Variants in NMBR observed in about 807,000 individuals in gnomAD.
The protein encoded by NMBR is neuromedin B receptor, also known as neuromedin-B receptor.
A neutral mutation model predicts 20.5 loss-of-function variants in NMBR; 16 were observed. The observed-to-expected ratio is 0.78, with a 90% confidence interval of 0.53 to 1.19. The LOEUF (loss-of-function observed/expected upper bound fraction) is 1.19. Among genes scored for constraint, NMBR ranks in the 50% most tolerant of loss-of-function variants. The pLI, the probability that NMBR is intolerant of heterozygous loss-of-function variation, is 0.00. For missense variants in NMBR, 582 were observed against 499.1 expected (o/e 1.17, Z -1.58); for synonymous variants, 212 against 196.6 (o/e 1.08, Z -0.65).
chr6:142,090,197 TA>T (rs927172521), intron 1 of NMBR, among the ~76,000 whole-genome samples: 1 of 152,126 alleles, frequency 6.6e-6, no homozygotes, highest in African/African-American at 2.4e-5. Context: ...TGGAGTTAGC[TA>T]AATAACACTC....
At position 142,140,823 on chromosome 6, in the gene NMBR, AATG is replaced by A. The variant is rs1481823067; in HGVS notation, c.-664+6218_-664+6220del. The stretch of plus-strand genomic sequence containing the variant: ...AACTCAAGTCAATTTTACAGCAAGG[AATG>A]ATGACAGAGATTAAAGAGACATTTC... On this transcript the variant is annotated intron_variant, in intron 1 of 3. Transcript: ENST00000258042. Among the ~76,000 whole-genome samples the A allele has an allele frequency of 2.0e-5, 3 of 152,310 alleles. No homozygotes were observed. The East Asian group carries it at 5.8e-4, about 29-fold the overall frequency.
At position 142,075,493 on chromosome 6, in the gene NMBR, A is replaced by C; in HGVS notation, c.*155T>G. On this transcript the variant is annotated 3_prime_UTR_variant, in exon 4 of 4. Transcript: ENST00000258042. ...TTATTAGGAAATGAAAAGAGAAAAA[A>C]TAAAGTCTAGTGTAGAGAAAAAATG... The C allele has an allele frequency of 3.3e-6, 2 of 605,102 alleles. No individual in the cohort carries two copies. Among genetic ancestry groups the C allele is most frequent in the Admixed American group, 3.5e-5 (1 of 28,414 alleles). The allele number at this position is 605,102 out of a possible 1,614,324, so 37.5% of individuals were successfully genotyped here. A position where few individuals can be genotyped will look rare whatever the true frequency, so the allele number is the denominator to read the frequency against.
intron 1 of NMBR, among the ~76,000 whole-genome samples, chr6:142,101,752 G>A (rs142163595): frequency 4.6e-5 from 7 of 152,176 alleles, no homozygotes; most frequent in Admixed American, 2.0e-4. Context: ...ATTTGGTCAC[G>A]TTCTCACTTA....
At chr6:142,097,840 A>ATAT (rs1777486734) in intron 1 of NMBR, among the ~76,000 whole-genome samples, 2 of 152,128 alleles carry the variant, frequency 1.3e-5, no homozygotes, top group South Asian at 4.1e-4. Flanking sequence ...TTGCATATTA[A>ATAT]GGAGAGACAT....
chr6:142,128,402 T>A (rs1200338863), intron 1 of NMBR, among the ~76,000 whole-genome samples: 5 of 152,092 alleles, frequency 3.3e-5, no homozygotes, highest in African/African-American at 4.8e-5. Flanking sequence ...TCTAGTACTA[T>A]GTTGAATATA....
intron 1 of NMBR, among the ~76,000 whole-genome samples, chr6:142,136,492 T>G (rs1471006793): frequency 6.6e-6 from 1 of 152,304 alleles, no homozygotes; most frequent in Non-Finnish European, 1.5e-5. Context: ...AGAAGCTCTT[T>G]AGTTTAATTA....
intron 2 of NMBR, among the ~76,000 whole-genome samples, chr6:142,084,046 G>A (rs148919289): frequency 5.9e-5 from 9 of 152,252 alleles, no homozygotes; most frequent in Non-Finnish European, 1.0e-4. Flanking sequence ...TCTCCAGTCA[G>A]GGGCAGCTGG....
Position 142,075,487 on chromosome 6 carries a change from G to GA in NMBR, c.*160dup. The GA allele has an allele frequency of 1.7e-6, 1 of 586,312 alleles. No individual in the cohort carries two copies. Among genetic ancestry groups the GA allele is most frequent in the South Asian group, 2.7e-5 (1 of 37,286 alleles). 36.3% of individuals were successfully genotyped at this position (586,312 alleles called of 1,614,324 possible). ...TTCTAATTATTAGGAAATGAAAAGA[G>GA]AAAAAATAAAGTCTAGTGTAGAGAA... On this transcript the variant is annotated 3_prime_UTR_variant, in exon 4 of 4. Coordinates refer to ENST00000258042, the MANE Select transcript of NMBR (RefSeq NM_002511.4).
intron 1 of NMBR, among the ~76,000 whole-genome samples, chr6:142,091,414 G>C (rs1332723128): frequency 6.6e-6 from 1 of 152,020 alleles, no homozygotes; most frequent in African/African-American, 2.4e-5. Flanking sequence ...TTGTAGACAT[G>C]GGGTCTCACT....
At chr6:142,137,979 G>GAAA (rs869193816) in intron 1 of NMBR, among the ~76,000 whole-genome samples, 1 of 150,234 alleles carries the variant, frequency 6.7e-6, no homozygotes, top group Non-Finnish European at 1.5e-5. Context: ...TCTTCTTGGG[G>GAAA]AAAAAAAAAA....
intron 2 of NMBR, among the ~76,000 whole-genome samples, chr6:142,082,389 G>C (rs1777117378): frequency 6.6e-6 from 1 of 152,122 alleles, no homozygotes; most frequent in Non-Finnish European, 1.5e-5. Flanking sequence ...AAAGTGGGTG[G>C]GAGTTGTTGG....
At chr6:142,145,020 TAAAAAAAAA>T (rs34522158) in intron 1 of NMBR, among the ~76,000 whole-genome samples, 1 of 97,642 alleles carries the variant, frequency 1.0e-5, no homozygotes, top group Non-Finnish European at 1.9e-5. Context: ...AGAACCTGTC[TAAAAAAAAA>T]AAAAAAAAAA....
chr6:142,099,845 C>T (rs1464741060), intron 1 of NMBR, among the ~76,000 whole-genome samples: 3 of 151,944 alleles, frequency 2.0e-5, no homozygotes, highest in African/African-American at 7.3e-5. Flanking sequence ...CAAAAATACA[C>T]AAATAATTTT....
At chr6:142,087,331 C>G (rs1351475851) in intron 2 of NMBR, among the ~76,000 whole-genome samples, 1 of 152,162 alleles carries the variant, frequency 6.6e-6, no homozygotes, top group Admixed American at 6.5e-5. Context: ...TAAGTCAGTC[C>G]TCCATTCCCA....
At chr6:142,091,689 C>T (rs1376136067) in intron 1 of NMBR, among the ~76,000 whole-genome samples, 2 of 152,102 alleles carry the variant, frequency 1.3e-5, no homozygotes, top group Admixed American at 6.6e-5. Context: ...CATGAAACTG[C>T]ATTTTGAAAT....
intron 1 of NMBR, chr6:142,134,674 A>G (rs558101834): frequency 1.9e-5 from 13 of 696,196 alleles, no homozygotes; most frequent in South Asian, 3.0e-5. Context: ...TTTATTAAGA[A>G]TTAGTCTAGC....
intron 1 of NMBR, among the ~76,000 whole-genome samples, chr6:142,110,276 C>G (rs944205327): frequency 6.6e-6 from 1 of 152,128 alleles, no homozygotes; most frequent in African/African-American, 2.4e-5. Flanking sequence ...ATATACACAT[C>G]ATCACAGAAT....
chr6:142,093,670 T>C (rs953083079), intron 1 of NMBR, among the ~76,000 whole-genome samples: 1 of 152,178 alleles, frequency 6.6e-6, no homozygotes, highest in Non-Finnish European at 1.5e-5. Flanking sequence ...ATATACCCAG[T>C]AATGGGATTG....
chr6:142,143,845 A>G (rs1212574375), intron 1 of NMBR, among the ~76,000 whole-genome samples: 2 of 151,902 alleles, frequency 1.3e-5, no homozygotes, highest in African/African-American at 4.8e-5. Flanking sequence ...CTTTAAAGGT[A>G]CAATAATCAA....
Sources: allele counts gnomAD v4.1 joint callset (sites outside exome capture counted in the v4.1 genomes callset), GRCh38; gene constraint gnomAD v4.1.1; transcripts MANE v1.5; gene names NCBI Gene and HGNC (gene_info 2026-07-23, HGNC 2026-07-21).